LINGO2: variants seen among roughly 807,000 people sequenced by gnomAD.
LINGO2 encodes the protein leucine-rich repeat and immunoglobulin-like domain-containing nogo receptor-interacting protein 2.
A neutral mutation model predicts 30.6 loss-of-function variants in LINGO2; 14 were observed. That is an observed-to-expected ratio of 0.46 (90% CI 0.30 to 0.72). LINGO2 has a LOEUF of 0.72. Ranked by LOEUF, LINGO2 falls within the 30% of genes least tolerant of loss-of-function variation. The probability of loss-of-function intolerance (pLI) is 0.07; values close to 1 mark genes in which losing one functional copy is unlikely to be tolerated. For synonymous variants in LINGO2, 317 were observed against 288.5 expected, an observed-to-expected ratio of 1.10 and a Z score of -1.00; for missense variants, 729 against 751.7, an observed-to-expected ratio of 0.97 and a Z score of 0.35.
chr9:28,436,338 T>C (rs1195049855), intron 2 of LINGO2, among the ~76,000 whole-genome samples: 21 of 152,148 alleles, frequency 1.4e-4, no homozygotes, highest in Admixed American at 1.4e-3. Context: ...CATAGACATA[T>C]GTCTTAATAC....
chr9:29,162,080 T>C, the LINGO2 span, among the ~76,000 whole-genome samples: 2 of 152,050 alleles, frequency 1.3e-5, no homozygotes, highest in Admixed American at 1.3e-4. Flanking sequence ...CCATCACGCA[T>C]GGCTAATTTT....
At chr9:28,383,711 G>A (rs747228258) in intron 2 of LINGO2, among the ~76,000 whole-genome samples, 3 of 152,128 alleles carry the variant, frequency 2.0e-5, no homozygotes, top group Non-Finnish European at 2.9e-5. Flanking sequence ...TTCTCTGTAA[G>A]AGCATCTGTA....
intron 4 of LINGO2, among the ~76,000 whole-genome samples, chr9:28,097,691 CGG>C (rs1826286559): frequency 1.1e-5 from 1 of 87,932 alleles, no homozygotes. Context: ...GTGGTGGGGT[CGG>C]GGGAGGGGGG....
At chr9:28,776,450 T>C in the LINGO2 span, among the ~76,000 whole-genome samples, 1 of 152,156 alleles carries the variant, frequency 6.6e-6, no homozygotes, top group African/African-American at 2.4e-5. Flanking sequence ...AACTAAATAA[T>C]GAAAACTAAC....
At chr9:28,860,949 A>C in the LINGO2 span, among the ~76,000 whole-genome samples, 1 of 134,178 alleles carries the variant, frequency 7.5e-6, no homozygotes, top group South Asian at 2.1e-4. Flanking sequence ...AAAATAATAT[A>C]TATAATATAT....
At chr9:28,188,282 CATA>C (rs10565229) in intron 4 of LINGO2, among the ~76,000 whole-genome samples, 84,738 of 145,970 alleles carry the variant, frequency 0.58, 23,824 homozygotes, top group East Asian at 0.72. Context: ...TCATAGTCCA[CATA>C]ATAATTGCTT....
chr9:29,002,130 TA>T, the LINGO2 span, among the ~76,000 whole-genome samples: 1 of 152,030 alleles, frequency 6.6e-6, no homozygotes, highest in South Asian at 2.1e-4. Flanking sequence ...TCAGAGTTAT[TA>T]AAGTCCCCAT....
intron 5 of LINGO2, among the ~76,000 whole-genome samples, chr9:27,981,551 G>GAAAAAAAAAAAAAAAAAAAAAAAAAAAAA (rs1279785343): frequency 4.6e-5 from 4 of 87,136 alleles, no homozygotes; most frequent in African/African-American, 8.4e-5. Context: ...AAAAAAAAAA[G>GAAAAAAAAAAAAAAAAAAAAAAAAAAAAA]AAAAAAAAGA....
At chr9:27,951,282 A>T (rs1022782222) in intron 5 of LINGO2, among the ~76,000 whole-genome samples, 2 of 152,204 alleles carry the variant, frequency 1.3e-5, no homozygotes, top group African/African-American at 2.4e-5. Context: ...TAACCTTTGA[A>T]TTTTAATGTA....
the LINGO2 span, among the ~76,000 whole-genome samples, chr9:29,150,372 TC>T: frequency 6.6e-6 from 1 of 152,142 alleles, no homozygotes; most frequent in African/African-American, 2.4e-5. Context: ...TCAGAGTGTC[TC>T]CTTACTTCCA....
At chr9:28,917,947 G>C in the LINGO2 span, among the ~76,000 whole-genome samples, 2 of 151,970 alleles carry the variant, frequency 1.3e-5, no homozygotes, top group Admixed American at 6.6e-5. Flanking sequence ...CATATCTGCT[G>C]TGACAAACAG....
chr9:28,673,356 G>T (rs912439375), upstream of LINGO2, among the ~76,000 whole-genome samples: 40 of 152,174 alleles, frequency 2.6e-4, no homozygotes, highest in African/African-American at 8.4e-4. Flanking sequence ...ACAGCAGAAA[G>T]ATATTAGTAA....
At chr9:28,520,412 A>G (rs1035775028) in intron 1 of LINGO2, among the ~76,000 whole-genome samples, 1 of 152,060 alleles carries the variant, frequency 6.6e-6, no homozygotes, top group African/African-American at 2.4e-5. Context: ...TTTAATATCC[A>G]TTTATTACCT....
intron 4 of LINGO2, among the ~76,000 whole-genome samples, chr9:28,037,022 GATGT>G (rs1295359743): frequency 3.9e-5 from 6 of 152,200 alleles, no homozygotes; most frequent in Non-Finnish European, 8.8e-5. Context: ...CACACATCTT[GATGT>G]ATCTGTGTAT....
intron 4 of LINGO2, among the ~76,000 whole-genome samples, chr9:28,019,641 C>A (rs1823016271): frequency 6.6e-6 from 1 of 151,960 alleles, no homozygotes; most frequent in African/African-American, 2.4e-5. Context: ...AGGGTCATGG[C>A]CTATTCCTAA....
intron 1 of LINGO2, among the ~76,000 whole-genome samples, chr9:28,490,718 G>A (rs1826362045): frequency 6.6e-6 from 1 of 151,978 alleles, no homozygotes; most frequent in Admixed American, 6.6e-5. Flanking sequence ...TTTTTGCAAG[G>A]GTAGAGAGAA....
chr9:28,611,307 T>G (rs1289516061), intron 1 of LINGO2, among the ~76,000 whole-genome samples: 1 of 152,144 alleles, frequency 6.6e-6, no homozygotes, highest in Non-Finnish European at 1.5e-5. Flanking sequence ...ATCACTACCA[T>G]AATCAAGCTA....
At chr9:28,932,939 C>T in the LINGO2 span, among the ~76,000 whole-genome samples, 9 of 150,802 alleles carry the variant, frequency 6.0e-5, no homozygotes, top group Non-Finnish European at 1.0e-4. Flanking sequence ...TGGAGTCTCA[C>T]TCTGTCACCC....
At chr9:29,042,494 G>C in the LINGO2 span, among the ~76,000 whole-genome samples, 3 of 151,704 alleles carry the variant, frequency 2.0e-5, no homozygotes, top group Non-Finnish European at 4.4e-5. Context: ...TCAATAACAT[G>C]GACTACTACT....
Sources: gnomAD v4.1 joint callset for allele counts (sites outside exome capture counted in the v4.1 genomes callset) on GRCh38, gnomAD v4.1.1 for gene constraint, MANE v1.5 for transcripts, NCBI Gene and HGNC (gene_info 2026-07-23, HGNC 2026-07-21) for gene names.